Variants in NRCAM observed in about 807,000 individuals in gnomAD.
The protein encoded by NRCAM is NgCAM-related cell adhesion molecule.
Under a neutral mutation model 156.5 loss-of-function variants are expected in NRCAM, and 83 were observed. The observed-to-expected ratio is 0.53, with a 90% CI of 0.44 to 0.64. The LOEUF is 0.64. Ranked by LOEUF, NRCAM falls within the 30% of genes least tolerant of loss-of-function variation. The pLI is 0.00. For missense variants in NRCAM, 1,417 were observed against 1,597.3 expected (o/e 0.89, Z 1.92); for synonymous variants, 538 against 563.9 (o/e 0.95, Z 0.65).
intron 32 of NRCAM, among the ~76,000 whole-genome samples, chr7:108,153,410 C>T (rs2042930467): frequency 6.6e-6 from 1 of 151,958 alleles, no homozygotes; most frequent in Non-Finnish European, 1.5e-5. Context: ...ATGATAAAAA[C>T]ATTAGGAATA....
chr7:108,249,674 CA>C (rs2096214159), intron 3 of NRCAM, among the ~76,000 whole-genome samples: 1 of 152,198 alleles, frequency 6.6e-6, no homozygotes, highest in Non-Finnish European at 1.5e-5. Context: ...GGTAAGTACA[CA>C]AAAGCATGAA....
intron 1 of NRCAM, among the ~76,000 whole-genome samples, chr7:108,408,353 G>A (rs977517100): frequency 4.6e-5 from 7 of 152,188 alleles, no homozygotes; most frequent in African/African-American, 1.7e-4. Context: ...ACTAAACGGA[G>A]AAAATGTAAA....
intron 1 of NRCAM, among the ~76,000 whole-genome samples, chr7:108,423,653 C>G (rs1023815863): frequency 6.6e-6 from 1 of 152,216 alleles, no homozygotes; most frequent in African/African-American, 2.4e-5. Context: ...CATGTTAATA[C>G]TTTAAGCTCT....
chr7:108,168,347 A>T lies in NRCAM; in HGVS notation c.3243T>A (p.Tyr1081Ter). The T allele has an allele frequency of 6.2e-7, 1 of 1,610,142 alleles. No individual in the cohort carries two copies. The part of the protein sequence containing the change: ...SNLTAAAAET[Y>*]ANISWEYEGP... ...CCTCATATTCCCAACTGATATTGGC[A>T]TAGGTCTCAGCAGCTGCAGCAGTAA... Residue 1081 changes from tyrosine to a stop codon, truncating the protein, a stop_gained, in exon 29 of 33, where the codon TAT becomes TAA. Transcript: ENST00000379028. LOFTEE classifies it high-confidence loss of function.
Position 108,160,413 on chromosome 7 carries a change from T to C in NRCAM, c.3546A>G (p.Leu1182=). 6.2e-7 allele frequency: 1 copy of C among 1,613,658 alleles called. No homozygotes were observed. Among genetic ancestry groups the C allele is most frequent in the Non-Finnish European group, 8.5e-7 (1 of 1,179,686 alleles). ...TGATGAAGCAAACAATCAGCAAAAT[T>C]AAGATAAGGAGAGCAACAGCACACA... The part of the protein sequence containing the change: ...GLMCAVALLI[L]ILLIVCFIRR... The change falls in exon 31 of 33, where the codon TTA becomes TTG. Residue 1182 remains leucine, a synonymous_variant. Coordinates refer to ENST00000379028, the MANE Select transcript of NRCAM (RefSeq NM_001037132.4).
chr7:108,161,464 G>A (rs1186323325), intron 30 of NRCAM, among the ~76,000 whole-genome samples: 2 of 152,150 alleles, frequency 1.3e-5, no homozygotes, highest in African/African-American at 4.8e-5. Context: ...ATGCAGATTT[G>A]CTTAATTAAC....
chr7:108,282,173 T>C (rs945206634), intron 3 of NRCAM, among the ~76,000 whole-genome samples: 3 of 152,228 alleles, frequency 2.0e-5, no homozygotes, highest in East Asian at 3.8e-4. Context: ...GATATTATTA[T>C]ACCATTTCTA....
chr7:108,315,255 C>A (rs1019421136), intron 2 of NRCAM, among the ~76,000 whole-genome samples: 1 of 151,948 alleles, frequency 6.6e-6, no homozygotes, highest in African/African-American at 2.4e-5. Context: ...TCATACTAAG[C>A]CCAAACTCTT....
intron 30 of NRCAM, among the ~76,000 whole-genome samples, chr7:108,161,369 C>A (rs1471688659): frequency 1.3e-5 from 2 of 152,168 alleles, no homozygotes; most frequent in African/African-American, 4.8e-5. Context: ...AAGAAAACCA[C>A]AGAATAATGA....
chr7:108,241,284 C>G (rs935843832), intron 3 of NRCAM, among the ~76,000 whole-genome samples: 2 of 152,196 alleles, frequency 1.3e-5, no homozygotes, highest in Non-Finnish European at 2.9e-5. Flanking sequence ...CTAATACAGC[C>G]TGCCTTGCAT....
intron 2 of NRCAM, among the ~76,000 whole-genome samples, chr7:108,388,082 G>T (rs558152318): frequency 6.6e-6 from 1 of 152,114 alleles, no homozygotes; most frequent in Non-Finnish European, 1.5e-5. Flanking sequence ...CCAGTAATGC[G>T]ATGGCTGGGT....
intron 1 of NRCAM, among the ~76,000 whole-genome samples, chr7:108,455,616 G>C (rs1242928575): frequency 6.6e-6 from 1 of 152,232 alleles, no homozygotes; most frequent in South Asian, 2.1e-4. Context: ...TCGATTCCCC[G>C]AGCCCTCTCC....
chr7:108,184,191 T>C, intron 22 of NRCAM, 50 bp downstream of exon 22: 3 of 1,497,388 alleles, frequency 2.0e-6, no homozygotes, highest in Non-Finnish European at 2.8e-6. Flanking sequence ...CAAACAACTT[T>C]TTTTTCACTC....
intron 3 of NRCAM, among the ~76,000 whole-genome samples, chr7:108,293,110 G>A (rs2098353439): frequency 6.6e-6 from 1 of 152,122 alleles, no homozygotes; most frequent in Non-Finnish European, 1.5e-5. Context: ...CAGGGGCCAT[G>A]GAAAATCAAA....
chr7:108,310,907 C>A (rs1563211482), intron 3 of NRCAM, among the ~76,000 whole-genome samples: 3 of 152,102 alleles, frequency 2.0e-5, no homozygotes, highest in South Asian at 4.1e-4. Context: ...AAGAATCGAG[C>A]CTTTTCACTT....
chr7:108,228,463 G>T (rs1161715578), intron 8 of NRCAM, among the ~76,000 whole-genome samples: 1 of 152,072 alleles, frequency 6.6e-6, no homozygotes, highest in East Asian at 1.9e-4. Context: ...CAAATGTTAG[G>T]CGATGGGACT....
intron 3 of NRCAM, among the ~76,000 whole-genome samples, chr7:108,276,020 CA>C (rs2097585471): frequency 6.6e-6 from 1 of 152,138 alleles, no homozygotes; most frequent in Non-Finnish European, 1.5e-5. Context: ...GCAGGTTGTT[CA>C]GTTTCCATGT....
rs1050097298 is a variant in NRCAM, at chr7:108,388,495, C to T, written c.-174+10941G>A. Among the ~76,000 whole-genome samples the T allele has an allele frequency of 1.2e-3, 181 of 152,240 alleles. 1 individual carries two copies. The highest frequency in any genetic ancestry group is 1.9e-3 in the East Asian group (10 of 5,182). On this transcript the variant is annotated intron_variant, in intron 2 of 32. Coordinates refer to ENST00000379028, the MANE Select transcript of NRCAM (RefSeq NM_001037132.4). ...GATGGGTAGATTGCAAAAATTTTCT[C>T]CCATTCTGTAGGTTGCCTGTTCACT...
At chr7:108,176,665 TATA>T in intron 26 of NRCAM, 59 bp from the exon 27 acceptor site, 6 of 1,260,508 alleles carry the variant, frequency 4.8e-6, no homozygotes, top group South Asian at 2.8e-5. Context: ...GGAATACTAT[TATA>T]AATAAATACG....
Sources: allele counts gnomAD v4.1 joint callset (sites outside exome capture counted in the v4.1 genomes callset), GRCh38; gene constraint gnomAD v4.1.1; transcripts MANE v1.5; gene names NCBI Gene and HGNC (gene_info 2026-07-23, HGNC 2026-07-21).